Variants in BDP1 observed in about 807,000 individuals in gnomAD.
The protein encoded by BDP1 is BDP1 general transcription factor IIIB subunit.
BDP1 carries 169 observed loss-of-function variants against 266.6 expected under a neutral mutation model. That is an observed-to-expected ratio of 0.63 (90% CI 0.56 to 0.72). The LOEUF (loss-of-function observed/expected upper bound fraction) is 0.72, where lower values mean the gene tolerates loss of function less well. Ranked by LOEUF, BDP1 falls within the 30% of genes least tolerant of loss-of-function variation. BDP1 has a pLI of 0.00. For synonymous variants in BDP1, 1,090 were observed against 1,022.4 expected, an observed-to-expected ratio of 1.07 and a Z score of -1.26; for missense variants, 3,015 against 3,053.8, an observed-to-expected ratio of 0.99 and a Z score of 0.30.
At chr5:71,529,799 C>T (rs899838739) in intron 25 of BDP1, among the ~76,000 whole-genome samples, 1 of 152,158 alleles carries the variant, frequency 6.6e-6, no homozygotes, top group African/African-American at 2.4e-5. Flanking sequence ...AAGCTAGTTA[C>T]AAAGTATCGC....
chr5:71,539,733 C>T (rs1010281414), intron 28 of BDP1, 84 bp downstream of exon 28: 1 of 827,374 alleles, frequency 1.2e-6, no homozygotes, highest in Non-Finnish European at 1.9e-6. Context: ...GAGTAATAAC[C>T]CTTTTACCTT....
rs1177883581 is a variant in BDP1, at chr5:71,549,466, C to T, written c.6855C>T (p.Ala2285=). ...NVPQDGEDEQ[A]FILTLVEIPA... ...CTCAAGATGGAGAAGATGAACAAGC[C>T]TTTATTTTAACTCTGGTGGAAATCC... Residue 2285 remains alanine, a synonymous_variant, in exon 34 of 39, where the codon GCC becomes GCT. Transcript: ENST00000358731. The T allele has an allele frequency of 1.2e-6, 2 of 1,613,944 alleles. No homozygotes were observed. Among genetic ancestry groups the T allele is most frequent in the South Asian group, 2.2e-5 (2 of 91,058 alleles).
intron 16 of BDP1, among the ~76,000 whole-genome samples, chr5:71,509,071 A>G (rs1325497862): frequency 6.6e-6 from 1 of 152,146 alleles, no homozygotes; most frequent in East Asian, 1.9e-4. Flanking sequence ...ATGGCAAACC[A>G]TTTGTCTGTA....
intron 22 of BDP1, among the ~76,000 whole-genome samples, chr5:71,518,143 T>A (rs929947523): frequency 2.4e-4 from 36 of 152,310 alleles, no homozygotes; most frequent in South Asian, 2.1e-4. Flanking sequence ...AGATGTGTTC[T>A]TTTCTTTAGT....
intron 8 of BDP1, 53 bp from the exon 9 acceptor site, chr5:71,486,431 A>G: frequency 7.0e-7 from 1 of 1,437,166 alleles, no homozygotes; most frequent in Non-Finnish European, 9.4e-7. Context: ...TAAAAGCTAG[A>G]AGTAGCTTTT....
chr5:71,500,927 T>G (rs769999105), intron 13 of BDP1, among the ~76,000 whole-genome samples: 4 of 151,844 alleles, frequency 2.6e-5, no homozygotes, highest in Non-Finnish European at 4.4e-5. Flanking sequence ...TGGCAAGATC[T>G]GGTCTCTACA....
chr5:71,571,256 C>T (rs994097868), downstream of BDP1, among the ~76,000 whole-genome samples: 2 of 152,146 alleles, frequency 1.3e-5, no homozygotes, highest in African/African-American at 2.4e-5. Context: ...GGGATCCTCC[C>T]GCCTTTGCCT....
rs747988909 is a variant in BDP1 at position 71,553,219 on chromosome 5, A to T, written c.7099A>T (p.Arg2367Trp). The change falls in exon 35 of 39, where the codon AGG (arginine) becomes TGG (tryptophan). Residue 2367 changes from arginine (R) to tryptophan (W), a missense_variant. Physicochemically the swap from Arg to Trp is moderately radical, Grantham distance 101. Coordinates refer to ENST00000358731, the MANE Select transcript of BDP1 (RefSeq NM_018429.3). ...GCCTGATAATTTGGATCTTGTATCTAGGAAGAGATTTCAATGCAGGCTTGA... is the reference window on the plus strand; with the variant it reads ...GCCTGATAATTTGGATCTTGTATCTTGGAAGAGATTTCAATGCAGGCTTGA... Reference protein sequence around the residue: ...KPPDNLDLVSRKRFQCRLDKN... With the variant: ...KPPDNLDLVSWKRFQCRLDKN... 1 of 1,613,378 alleles carries T rather than the reference A, an allele frequency of 6.2e-7. No homozygotes were observed. The highest frequency in any genetic ancestry group is 8.5e-7 in the Non-Finnish European group (1 of 1,179,886).
At chr5:71,460,627 T>C (rs999332318) in intron 2 of BDP1, among the ~76,000 whole-genome samples, 6 of 152,128 alleles carry the variant, frequency 3.9e-5, no homozygotes, top group Non-Finnish European at 7.4e-5. Context: ...CTCACAACAA[T>C]TGCTTGAACC....
chr5:71,467,121 T>C (rs757991286), intron 5 of BDP1, among the ~76,000 whole-genome samples: 2 of 152,226 alleles, frequency 1.3e-5, no homozygotes, highest in Non-Finnish European at 2.9e-5. Flanking sequence ...TTGTAAATAT[T>C]ATATTGCTGT....
In BDP1 at chr5:71,556,910, GT is replaced by G; in HGVS notation, c.7230del (p.Phe2410LeufsTer21). ...GGTGCACTCAAAGGAATTAACAAAT[GT>G]TTTTGAGGAAACAGGTAAGTGAAAT... is the stretch of plus-strand genomic sequence containing the variant. ...TEVHSKELTN[V>X]FEETGESHKG... On this transcript the variant is annotated frameshift_variant, in exon 36 of 39. Transcript: ENST00000358731. LOFTEE classifies it high-confidence loss of function. 1.4e-6 allele frequency: 2 copies of G among 1,459,382 alleles called. No individual in the cohort carries two copies. Among genetic ancestry groups the G allele is most frequent in the Non-Finnish European group, 1.8e-6 (2 of 1,094,308 alleles). 90.4% of individuals were successfully genotyped at this position (1,459,382 alleles called of 1,614,324 possible). A position where few individuals can be genotyped will look rare whatever the true frequency, so the allele number is the denominator to read the frequency against.
At chr5:71,553,572 A>G (rs1743005071) in intron 35 of BDP1, among the ~76,000 whole-genome samples, 1 of 152,202 alleles carries the variant, frequency 6.6e-6, no homozygotes, top group Non-Finnish European at 1.5e-5. Flanking sequence ...GGCTAAAAAT[A>G]AGACCAAAAG....
intron 26 of BDP1, 89 bp downstream of exon 26, chr5:71,532,516 A>G (rs1222002849): frequency 7.7e-7 from 1 of 1,292,352 alleles, no homozygotes; most frequent in East Asian, 2.4e-5. Flanking sequence ...TTAGGTTTAT[A>G]AACACTTTAC....
intron 7 of BDP1, among the ~76,000 whole-genome samples, chr5:71,473,161 A>G (rs1450670410): frequency 6.6e-6 from 1 of 150,870 alleles, no homozygotes; most frequent in Non-Finnish European, 1.5e-5. Flanking sequence ...CTGGAATGAC[A>G]GGTGTGAGCC....
intron 7 of BDP1, among the ~76,000 whole-genome samples, chr5:71,481,173 C>CA (rs1225738128): frequency 1.6e-3 from 214 of 130,520 alleles, no homozygotes; most frequent in African/African-American, 3.1e-3. Context: ...GATTCCGTCT[C>CA]AAAAAAAAAA....
chr5:71,458,335 G>C lies in BDP1; in HGVS notation c.213-244G>C, dbSNP rs6414938. On this transcript the variant is annotated intron_variant, in intron 1 of 38. Coordinates refer to ENST00000358731, the MANE Select transcript of BDP1 (RefSeq NM_018429.3). ...GGGGGTAAGCCTATAATTATGTGCT[G>C]TAATGTGCCTAGGGACTTTATGTTT... is the stretch of plus-strand genomic sequence containing the variant. Among the ~76,000 whole-genome samples the C allele has an allele frequency of 0.98, 148,462 of 152,202 alleles. 72,426 individuals carry two copies. The highest frequency in any genetic ancestry group is 1 in the East Asian group (5,180 of 5,180).
Position 71,455,864 on chromosome 5 carries a change from C to T in BDP1, c.-14C>T, listed in dbSNP as rs1200353086. The T allele has an allele frequency of 1.9e-6, 3 of 1,557,582 alleles. No homozygotes were observed. The highest frequency in any genetic ancestry group is 1.8e-4 in the Middle Eastern group (1 of 5,418). On this transcript the variant is annotated 5_prime_UTR_variant, in exon 1 of 39. Transcript: ENST00000358731. ...CGGCCGTGAGGCTGCCTCCCCGGGC[C>T]CCCTGCCTCCGCCATGTTCCGCAGG... is the stretch of plus-strand genomic sequence containing the variant.
At chr5:71,497,236 G>A (rs1032530753) in intron 12 of BDP1, 34 bp from the exon 13 acceptor site, 7 of 1,595,114 alleles carry the variant, frequency 4.4e-6, no homozygotes, top group Middle Eastern at 3.3e-4. Flanking sequence ...ATGACTGCAT[G>A]TTTGATGCTA....
chr5:71,456,551 T>G (rs942722627), intron 1 of BDP1, among the ~76,000 whole-genome samples: 20 of 152,202 alleles, frequency 1.3e-4, no homozygotes, highest in Admixed American at 1.3e-3. Flanking sequence ...TTAATTGAAG[T>G]GTGCCTCTTT....
Sources: allele counts gnomAD v4.1 joint callset (sites outside exome capture counted in the v4.1 genomes callset), GRCh38; gene constraint gnomAD v4.1.1; transcripts MANE v1.5; gene names NCBI Gene and HGNC (gene_info 2026-07-23, HGNC 2026-07-21).